CNTNAP5: variants seen among roughly 807,000 people sequenced by gnomAD.
CNTNAP5 encodes the protein contactin-associated protein-like 5.
In CNTNAP5, 72 loss-of-function variants were observed where a neutral mutation model predicts 150.2. The observed-to-expected ratio is 0.48, with a 90% CI of 0.40 to 0.58. The LOEUF (loss-of-function observed/expected upper bound fraction) is 0.58. Among genes scored for constraint, CNTNAP5 ranks in the 20% least tolerant of loss-of-function variants. The probability of loss-of-function intolerance (pLI) is 0.00; values close to 1 mark genes in which losing one functional copy is unlikely to be tolerated. For synonymous variants in CNTNAP5, 672 were observed against 619.8 expected (o/e 1.08, Z -1.25); for missense variants, 1,636 against 1,626.2 (o/e 1.01, Z -0.10).
intron 1 of CNTNAP5, among the ~76,000 whole-genome samples, chr2:124,112,235 T>C (rs1410728189): frequency 1.3e-5 from 2 of 152,224 alleles, no homozygotes; most frequent in Non-Finnish European, 2.9e-5. Context: ...TCCAAAGACA[T>C]TGATTTCCCA....
intron 16 of CNTNAP5, among the ~76,000 whole-genome samples, chr2:124,769,297 T>C (rs1681138107): frequency 6.6e-6 from 1 of 152,162 alleles, no homozygotes; most frequent in Admixed American, 6.5e-5. Flanking sequence ...CCTTTCTTTT[T>C]TTTATCAGTC....
chr2:124,245,872 A>G (rs1340627436), intron 3 of CNTNAP5, among the ~76,000 whole-genome samples: 3 of 151,994 alleles, frequency 2.0e-5, no homozygotes, highest in East Asian at 3.9e-4. Flanking sequence ...CTGGGACTAC[A>G]GGCATGCACC....
At chr2:124,826,751 T>C (rs1255617084) in intron 19 of CNTNAP5, among the ~76,000 whole-genome samples, 1 of 152,048 alleles carries the variant, frequency 6.6e-6, no homozygotes, top group Non-Finnish European at 1.5e-5. Flanking sequence ...AAATCTGCTA[T>C]TATAGCCAGA....
At chr2:124,408,579 G>A (rs1434202362) in intron 3 of CNTNAP5, among the ~76,000 whole-genome samples, 4 of 151,886 alleles carry the variant, frequency 2.6e-5, no homozygotes, top group Non-Finnish European at 4.4e-5. Context: ...CCTGACCCCT[G>A]ACCCCCGAGC....
chr2:124,223,836 T>TC (rs1002654378), intron 2 of CNTNAP5, among the ~76,000 whole-genome samples: 1 of 150,084 alleles, frequency 6.7e-6, no homozygotes, highest in African/African-American at 2.5e-5. Flanking sequence ...CCAACAAGAG[T>TC]CTAAATCAGA....
chr2:124,895,953 G>A (rs1452382145), intron 21 of CNTNAP5, among the ~76,000 whole-genome samples: 2 of 151,550 alleles, frequency 1.3e-5, no homozygotes, highest in African/African-American at 2.4e-5. Context: ...AAGAGTCGGT[G>A]CATGGGCCAT....
intron 1 of CNTNAP5, among the ~76,000 whole-genome samples, chr2:124,056,685 A>C (rs1378327228): frequency 6.6e-6 from 1 of 152,110 alleles, no homozygotes; most frequent in Non-Finnish European, 1.5e-5. Flanking sequence ...CAAAAACTGG[A>C]GTGACTACTC....
intron 13 of CNTNAP5, among the ~76,000 whole-genome samples, chr2:124,667,172 T>C (rs930496586): frequency 6.6e-6 from 1 of 152,196 alleles, no homozygotes; most frequent in Non-Finnish European, 1.5e-5. Flanking sequence ...TATGACTGCA[T>C]GCAATTTGAA....
intron 8 of CNTNAP5, among the ~76,000 whole-genome samples, chr2:124,510,285 C>CTATATATATCTATATA (rs1439563096): frequency 1.4e-5 from 1 of 73,300 alleles, no homozygotes; most frequent in Non-Finnish European, 2.4e-5. Context: ...ATATCTATAT[C>CTATATATATCTATATA]TATATATCTA....
intron 1 of CNTNAP5, among the ~76,000 whole-genome samples, chr2:124,132,898 A>G (rs1302225089): frequency 6.6e-6 from 1 of 152,122 alleles, no homozygotes; most frequent in East Asian, 1.9e-4. Flanking sequence ...TCTCTAGCTC[A>G]CTGAACTGCC....
chr2:124,654,685 G>A (rs1380627090), intron 13 of CNTNAP5, among the ~76,000 whole-genome samples: 1 of 152,074 alleles, frequency 6.6e-6, no homozygotes, highest in Admixed American at 6.6e-5. Context: ...GCAGTCTATG[G>A]CACCACCTCT....
At position 124,221,823 on chromosome 2, in the gene CNTNAP5, C is replaced by A; in HGVS notation, c.187+14C>A. 2 of 1,534,118 alleles carry A rather than the reference C, an allele frequency of 1.3e-6. No homozygotes were observed. The highest frequency in any genetic ancestry group is 1.8e-6 in the Non-Finnish European group (2 of 1,114,242). ...ACTGGAGAGTTGGTAAGTAGGCTGA[C>A]TGAAATCCTAATGCCAAGCACTAAA... On this transcript the variant is annotated intron_variant, in intron 2 of 23. Transcript: ENST00000682447.
At chr2:124,103,118 C>A (rs896389630) in intron 1 of CNTNAP5, among the ~76,000 whole-genome samples, 1 of 151,604 alleles carries the variant, frequency 6.6e-6, no homozygotes, top group Non-Finnish European at 1.5e-5. Context: ...TAGTTTGTAA[C>A]AAGAATGTTT....
At chr2:124,038,120 A>ATTAT (rs540389595) in intron 1 of CNTNAP5, among the ~76,000 whole-genome samples, 150 of 152,278 alleles carry the variant, frequency 9.9e-4, no homozygotes, top group African/African-American at 3.4e-3. Flanking sequence ...ACCCAATTCC[A>ATTAT]TTATTTTTCA....
chr2:124,275,311 C>T (rs1037648928), intron 3 of CNTNAP5, among the ~76,000 whole-genome samples: 1 of 152,094 alleles, frequency 6.6e-6, no homozygotes, highest in Admixed American at 6.6e-5. Flanking sequence ...TTAATCAGGG[C>T]TGTCCTGGTA....
chr2:124,743,376 C>T (rs1456184532), intron 13 of CNTNAP5, among the ~76,000 whole-genome samples: 2 of 152,114 alleles, frequency 1.3e-5, no homozygotes, highest in Non-Finnish European at 2.9e-5. Context: ...AATTTAAATC[C>T]CGAATCTCGT....
At chr2:124,728,694 G>T (rs1034160921) in intron 13 of CNTNAP5, among the ~76,000 whole-genome samples, 13 of 152,044 alleles carry the variant, frequency 8.6e-5, no homozygotes, top group African/African-American at 2.6e-4. Flanking sequence ...CATGGGAGAG[G>T]TAATATTTGT....
intron 3 of CNTNAP5, among the ~76,000 whole-genome samples, chr2:124,293,163 A>G (rs1283583080): frequency 1.3e-5 from 2 of 151,882 alleles, no homozygotes; most frequent in African/African-American, 4.8e-5. Flanking sequence ...AAATTTTTTT[A>G]TACTTGAAAA....
intron 10 of CNTNAP5, among the ~76,000 whole-genome samples, chr2:124,553,924 G>A (rs1420146178): frequency 6.6e-6 from 1 of 152,150 alleles, no homozygotes; most frequent in Non-Finnish European, 1.5e-5. Flanking sequence ...GGCCAAAGGT[G>A]GGATTTAAGA....
Sources: gnomAD v4.1 joint callset for allele counts (sites outside exome capture counted in the v4.1 genomes callset) on GRCh38, gnomAD v4.1.1 for gene constraint, MANE v1.5 for transcripts, NCBI Gene and HGNC (gene_info 2026-07-23, HGNC 2026-07-21) for gene names.